Variants in ATP6V1H observed in about 807,000 individuals in gnomAD.
ATP6V1H encodes V-type proton ATPase subunit H.
In ATP6V1H, 39 loss-of-function variants were observed where a neutral mutation model predicts 71.7. That is an observed-to-expected ratio of 0.54 (90% CI 0.42 to 0.71). The LOEUF is 0.71. Among genes scored for constraint, ATP6V1H ranks in the 30% least tolerant of loss-of-function variants. ATP6V1H has a pLI of 0.00. For synonymous variants in ATP6V1H, 192 were observed against 199.3 expected (o/e 0.96, Z 0.31); for missense variants, 509 against 594.9 (o/e 0.86, Z 1.50).
intron 4 of ATP6V1H, among the ~76,000 whole-genome samples, chr8:53,827,108 A>G (rs1411472265): frequency 1.3e-5 from 2 of 150,610 alleles, no homozygotes; most frequent in Non-Finnish European, 3.0e-5. Context: ...CAGGCTGGGC[A>G]TGGTGGCTCA....
intron 11 of ATP6V1H, among the ~76,000 whole-genome samples, chr8:53,762,054 T>A (rs549208581): frequency 1.2e-4 from 18 of 152,336 alleles, no homozygotes; most frequent in African/African-American, 4.3e-4. Flanking sequence ...TGCTGCCTCA[T>A]ATGACAACCA....
At chr8:53,794,685 T>C (rs1453787909) in intron 9 of ATP6V1H, among the ~76,000 whole-genome samples, 2 of 152,168 alleles carry the variant, frequency 1.3e-5, no homozygotes, top group South Asian at 2.1e-4. Flanking sequence ...ATTTTTTACT[T>C]GTTTTTTAAA....
At chr8:53,803,683 A>G (rs1248517200) in intron 7 of ATP6V1H, among the ~76,000 whole-genome samples, 1 of 152,258 alleles carries the variant, frequency 6.6e-6, no homozygotes, top group Non-Finnish European at 1.5e-5. Context: ...ATATCTAGTA[A>G]TATAATTAGC....
chr8:53,838,574 T>C (rs909383078), intron 2 of ATP6V1H, among the ~76,000 whole-genome samples: 1 of 152,196 alleles, frequency 6.6e-6, no homozygotes, highest in African/African-American at 2.4e-5. Context: ...CACAATTTGC[T>C]ATTTAATTTG....
chr8:53,830,462 C>T (rs1340315946), intron 3 of ATP6V1H, among the ~76,000 whole-genome samples: 1 of 152,052 alleles, frequency 6.6e-6, no homozygotes, highest in Non-Finnish European at 1.5e-5. Context: ...AGCCCACTCA[C>T]CATACTGAAT....
intron 9 of ATP6V1H, among the ~76,000 whole-genome samples, chr8:53,790,359 T>C (rs1330928157): frequency 6.6e-6 from 1 of 151,972 alleles, no homozygotes; most frequent in Non-Finnish European, 1.5e-5. Flanking sequence ...ATGAACCCAG[T>C]GTTCACATAA....
chr8:53,734,692 C>T (rs960575023), intron 13 of ATP6V1H, among the ~76,000 whole-genome samples: 4 of 152,218 alleles, frequency 2.6e-5, no homozygotes, highest in Non-Finnish European at 4.4e-5. Flanking sequence ...CTGCAGGGAA[C>T]ACCAGCGAGC....
chr8:53,765,683 C>T (rs1221212993), intron 11 of ATP6V1H, among the ~76,000 whole-genome samples: 5 of 152,186 alleles, frequency 3.3e-5, no homozygotes, highest in Admixed American at 6.5e-5. Flanking sequence ...AGACTCTATA[C>T]TGTCAAGATA....
chr8:53,787,206 A>C (rs1386934979), intron 9 of ATP6V1H, among the ~76,000 whole-genome samples: 2 of 152,238 alleles, frequency 1.3e-5, no homozygotes, highest in African/African-American at 4.8e-5. Context: ...AAAAAGTCTC[A>C]GTCTTACCAG....
chr8:53,838,547 T>C (rs1049662852), intron 2 of ATP6V1H, among the ~76,000 whole-genome samples: 6 of 152,210 alleles, frequency 3.9e-5, no homozygotes, highest in African/African-American at 1.4e-4. Context: ...TATATATTTC[T>C]CTATCTTAAC....
At chr8:53,817,850 T>C (rs1810501539) in intron 4 of ATP6V1H, among the ~76,000 whole-genome samples, 1 of 151,082 alleles carries the variant, frequency 6.6e-6, no homozygotes, top group African/African-American at 2.4e-5. Context: ...GATAACCAAG[T>C]GTGAACACCT....
At chr8:53,731,061 TAG>T (rs1806998514) in intron 13 of ATP6V1H, among the ~76,000 whole-genome samples, 1 of 152,224 alleles carries the variant, frequency 6.6e-6, no homozygotes, top group Non-Finnish European at 1.5e-5. Flanking sequence ...CTTCTGGTGT[TAG>T]TTCCGCTACT....
At chr8:53,760,781 GA>G (rs1808245635) in intron 11 of ATP6V1H, among the ~76,000 whole-genome samples, 1 of 152,058 alleles carries the variant, frequency 6.6e-6, no homozygotes. Context: ...TGGGAAGAGG[GA>G]TCAGAAAAAA....
At chr8:53,741,025 T>C (rs1340271724) in intron 13 of ATP6V1H, among the ~76,000 whole-genome samples, 1 of 152,128 alleles carries the variant, frequency 6.6e-6, no homozygotes, top group Non-Finnish European at 1.5e-5. Flanking sequence ...ATAATCGTAG[T>C]TAAAACATTA....
In ATP6V1H at chr8:53,835,930, T is replaced by C. The variant is rs144927449; in HGVS notation, c.114-2844A>G. Reference sequence around the variant, plus strand: ...CCCCTGCGCTGAACTCTGGCATTATTTCCCCCGGTCCCCACTCATATCCTC... The same window carrying C: ...CCCCTGCGCTGAACTCTGGCATTATCTCCCCCGGTCCCCACTCATATCCTC... On this transcript the variant is annotated intron_variant, in intron 2 of 13. Transcript: ENST00000359530. Among the ~76,000 whole-genome samples the C allele has an allele frequency of 2.3e-3, 350 of 152,258 alleles. 3 individuals carry two copies. The highest frequency in any genetic ancestry group is 8.0e-3 in the African/African-American group (333 of 41,532).
At chr8:53,841,352 A>G (rs6473894) in intron 2 of ATP6V1H, among the ~76,000 whole-genome samples, 31,390 of 152,028 alleles carry the variant, frequency 0.21, 7,701 homozygotes, top group African/African-American at 0.59. Flanking sequence ...AGGCAGCCAG[A>G]GAAGGTCAAA....
At chr8:53,782,471 A>G (rs1436932321) in intron 9 of ATP6V1H, among the ~76,000 whole-genome samples, 1 of 151,662 alleles carries the variant, frequency 6.6e-6, no homozygotes, top group Non-Finnish European at 1.5e-5. Context: ...TAGATATACA[A>G]TCATGTCATC....
intron 13 of ATP6V1H, among the ~76,000 whole-genome samples, chr8:53,733,047 A>G (rs1322219926): frequency 3.3e-5 from 5 of 152,212 alleles, no homozygotes; most frequent in African/African-American, 9.6e-5. Context: ...GCCTTTGTGT[A>G]TCAACCCTTC....
intron 2 of ATP6V1H, among the ~76,000 whole-genome samples, chr8:53,835,798 C>T (rs1245764991): frequency 6.6e-6 from 1 of 152,148 alleles, no homozygotes; most frequent in Non-Finnish European, 1.5e-5. Flanking sequence ...CATCTTGACA[C>T]TCTCTTCCTT....
Sources: gnomAD v4.1 joint callset for allele counts (sites outside exome capture counted in the v4.1 genomes callset) on GRCh38, gnomAD v4.1.1 for gene constraint, MANE v1.5 for transcripts, NCBI Gene and HGNC (gene_info 2026-07-23, HGNC 2026-07-21) for gene names.